Variants in CDH4 observed in about 807,000 individuals in gnomAD.
CDH4 encodes cadherin 4, also known as cadherin-4.
In CDH4, 33 loss-of-function variants were observed where a neutral mutation model predicts 86.0. The ratio of observed to expected loss-of-function variants is 0.38; its 90% CI spans 0.29 to 0.51. CDH4 has a LOEUF of 0.51. Among genes scored for constraint, CDH4 ranks in the 20% least tolerant of loss-of-function variants. The pLI is 0.86. For synonymous variants in CDH4, 555 were observed against 549.4 expected (o/e 1.01, Z -0.14); for missense variants, 1,114 against 1,307.4 (o/e 0.85, Z 2.28).
chr20:61,732,848 GC>G (rs1238917218), intron 2 of CDH4, among the ~76,000 whole-genome samples: 14 of 152,236 alleles, frequency 9.2e-5, no homozygotes. Flanking sequence ...TCCCTGTGTT[GC>G]CCGAGGCTTT....
intron 2 of CDH4, among the ~76,000 whole-genome samples, chr20:61,484,782 C>A (rs1489058536): frequency 6.6e-6 from 1 of 152,162 alleles, no homozygotes; most frequent in Non-Finnish European, 1.5e-5. Context: ...GCCCAGCAGC[C>A]CAGCCAGGAT....
At chr20:61,379,473 C>T (rs937830093) in intron 2 of CDH4, among the ~76,000 whole-genome samples, 2 of 152,066 alleles carry the variant, frequency 1.3e-5, no homozygotes, top group Non-Finnish European at 2.9e-5. Flanking sequence ...ATCCAACATC[C>T]GAATCTGTGT....
Position 61,829,452 on chromosome 20 carries a change from G to A in CDH4, c.577-15216G>A, listed in dbSNP as rs574504957. On this transcript the variant is annotated intron_variant, in intron 4 of 15. Transcript: ENST00000614565. This position sits in a 1 kb window ranked among gnomAD's most constrained non-coding sequence, Gnocchi z 4.2. ...TTGGGGCTGTTGTCAGTGTGCTGCCGGGCACGTCTGTGTGCAAGGCTTTCT... is the reference window on the plus strand; with the variant it reads ...TTGGGGCTGTTGTCAGTGTGCTGCCAGGCACGTCTGTGTGCAAGGCTTTCT... Among the ~76,000 whole-genome samples, 1 of 152,178 alleles carries A rather than the reference G, an allele frequency of 6.6e-6. No homozygotes were observed. The highest frequency in any genetic ancestry group is 1.5e-5 in the Non-Finnish European group (1 of 68,038).
intron 5 of CDH4, among the ~76,000 whole-genome samples, chr20:61,851,035 G>C (rs1391415520): frequency 1.3e-5 from 2 of 152,262 alleles, no homozygotes; most frequent in Non-Finnish European, 2.9e-5. Flanking sequence ...TGTGACCTCT[G>C]GGCGTGTGGG....
chr20:61,572,769 G>T (rs563449973), intron 2 of CDH4, among the ~76,000 whole-genome samples: 28 of 152,336 alleles, frequency 1.8e-4, no homozygotes, highest in African/African-American at 6.5e-4. Flanking sequence ...GCTCCTAGAG[G>T]AATATGCAGC....
In CDH4 at chr20:61,401,766, A is replaced by G. The variant is rs976711663; in HGVS notation, c.169+146829A>G. On this transcript the variant is annotated intron_variant, in intron 2 of 15. Transcript: ENST00000614565. Reference sequence around the variant, plus strand: ...ATTCTTTGGCCAGGGAGTAAATACAATGACTAGGCCTGGGTTACGGACCCA... The same window carrying G: ...ATTCTTTGGCCAGGGAGTAAATACAGTGACTAGGCCTGGGTTACGGACCCA... Among the ~76,000 whole-genome samples, 3 of 152,172 alleles carry G rather than the reference A, an allele frequency of 2.0e-5. No homozygotes were observed. In the South Asian group the frequency reaches 6.2e-4, roughly 32 times the overall value.
intron 2 of CDH4, chr20:61,437,181 C>G (rs1335472032): frequency 6.6e-6 from 1 of 152,284 alleles, no homozygotes; most frequent in African/African-American, 2.4e-5. Flanking sequence ...CCTGCTGGGC[C>G]CCCGCCCCCC....
chr20:61,315,327 A>G (rs2084470425), intron 2 of CDH4, among the ~76,000 whole-genome samples: 1 of 152,168 alleles, frequency 6.6e-6, no homozygotes, highest in African/African-American at 2.4e-5. Flanking sequence ...CTGGTATCCA[A>G]AAGGAGAGAA....
At chr20:61,605,639 CTCTCTCTG>C (rs543520589) in intron 2 of CDH4, among the ~76,000 whole-genome samples, 72 of 152,150 alleles carry the variant, frequency 4.7e-4, no homozygotes, top group Non-Finnish European at 8.5e-4. Context: ...CTGTCTCTCC[CTCTCTCTG>C]TCTCTATCTC....
chr20:61,594,452 G>A (rs879267442), intron 2 of CDH4, among the ~76,000 whole-genome samples: 3 of 152,184 alleles, frequency 2.0e-5, no homozygotes, highest in Non-Finnish European at 2.9e-5. Context: ...GCCAAGAGAG[G>A]AGAACAGAAC....
At chr20:61,506,930 A>G (rs1015746044) in intron 2 of CDH4, among the ~76,000 whole-genome samples, 1 of 152,218 alleles carries the variant, frequency 6.6e-6, no homozygotes, top group Non-Finnish European at 1.5e-5. Context: ...AGCAAGGTCC[A>G]CCTATTCAGA....
intron 2 of CDH4, among the ~76,000 whole-genome samples, chr20:61,416,131 AGCTAGGATTACAGATGTGT>A (rs2085145846): frequency 6.6e-6 from 1 of 151,294 alleles, no homozygotes; most frequent in African/African-American, 2.4e-5. Context: ...CCTTCCTAGT[AGCTAGGATTACAGATGTGT>A]GCTACCACAC....
Position 61,636,301 on chromosome 20 carries a change from A to C in CDH4, c.170-107262A>C, listed in dbSNP as rs150893796. ...AATGGAATGTGGCAACAGCAGAGCC[A>C]GTGTGAAAAGGCAGAAAGTGGCTCC... On this transcript the variant is annotated intron_variant, in intron 2 of 15. Coordinates refer to ENST00000614565, the MANE Select transcript of CDH4 (RefSeq NM_001794.5). Among the ~76,000 whole-genome samples the C allele has an allele frequency of 4.6e-3, 702 of 152,372 alleles. 5 individuals carry two copies. The highest frequency in any genetic ancestry group is 0.016 in the African/African-American group (667 of 41,598).
chr20:61,719,010 C>T (rs989596939), intron 2 of CDH4: 7 of 471,132 alleles, frequency 1.5e-5, no homozygotes, highest in Admixed American at 4.7e-5. Flanking sequence ...CTCAGCATCA[C>T]GAGTGGCTCT....
intron 2 of CDH4, among the ~76,000 whole-genome samples, chr20:61,318,817 T>C (rs1277622179): frequency 1.3e-5 from 2 of 152,228 alleles, no homozygotes; most frequent in African/African-American, 2.4e-5. Flanking sequence ...GACTTGCCCC[T>C]TTTCCCATGT....
rs1429310166 is a variant in CDH4, at chr20:61,879,688, A to G, written c.1050+5788A>G. On this transcript the variant is annotated intron_variant, in intron 7 of 15. Transcript: ENST00000614565. The surrounding 1 kb of genome is among the most constrained non-coding windows in gnomAD (Gnocchi z 4.1). Reference sequence around the variant, plus strand: ...GCGTTGTTTCCTAATTAGAATATTTATGGCCTAATGAGGAGGTGAACGTGC... The same window carrying G: ...GCGTTGTTTCCTAATTAGAATATTTGTGGCCTAATGAGGAGGTGAACGTGC... Among the ~76,000 whole-genome samples the G allele has an allele frequency of 6.6e-6, 1 of 152,092 alleles. No individual in the cohort carries two copies. The highest frequency in any genetic ancestry group is 2.4e-5 in the African/African-American group (1 of 41,408).
intron 2 of CDH4, among the ~76,000 whole-genome samples, chr20:61,343,557 G>T (rs1005682936): frequency 6.6e-6 from 1 of 152,296 alleles, no homozygotes; most frequent in East Asian, 1.9e-4. Flanking sequence ...AGATCCTGCT[G>T]CAGCAGTATA....
chr20:61,924,329 C>G lies in CDH4; in HGVS notation c.1629-5C>G. 6.2e-7 allele frequency: 1 copy of G among 1,612,230 alleles called. No homozygotes were observed. Among genetic ancestry groups the G allele is most frequent in the Non-Finnish European group, 8.5e-7 (1 of 1,179,452 alleles). On this transcript the variant is annotated splice_polypyrimidine_tract_variant and splice_region_variant and intron_variant, in intron 10 of 15. Coordinates refer to ENST00000614565, the MANE Select transcript of CDH4 (RefSeq NM_001794.5). ...TACCTCCCCCTGCACTTGTGGTCTC[C>G]GCAGATACTCAAAGCTGTCAGACCC...
chr20:61,449,644 A>T (rs185389518), intron 2 of CDH4, among the ~76,000 whole-genome samples: 107 of 145,322 alleles, frequency 7.4e-4, no homozygotes, highest in East Asian at 7.3e-3. Context: ...TAGAGAATTA[A>T]AAAAAAAATG....
Sources: allele counts gnomAD v4.1 joint callset (sites outside exome capture counted in the v4.1 genomes callset), GRCh38; gene constraint gnomAD v4.1.1; non-coding constraint Gnocchi (gnomAD v3.1); transcripts MANE v1.5; gene names NCBI Gene and HGNC (gene_info 2026-07-23, HGNC 2026-07-21).